Variants in HS3ST2 observed in about 807,000 individuals in gnomAD.
HS3ST2 encodes the protein heparan sulfate glucosamine 3-O-sulfotransferase 2.
A neutral mutation model predicts 26.3 loss-of-function variants in HS3ST2; 17 were observed. The observed-to-expected ratio is 0.65, with a 90% CI of 0.44 to 0.97. HS3ST2 has a LOEUF of 0.97. Ranked by LOEUF, HS3ST2 falls within the 50% of genes least tolerant of loss-of-function variation. HS3ST2 has a pLI of 0.00. For synonymous variants in HS3ST2, 237 were observed against 219.2 expected, an observed-to-expected ratio of 1.08 and a Z score of -0.72; for missense variants, 402 against 501.2, an observed-to-expected ratio of 0.80 and a Z score of 1.89.
At chr16:22,850,382 C>T (rs1901500989) in intron 1 of HS3ST2, among the ~76,000 whole-genome samples, 1 of 152,146 alleles carries the variant, frequency 6.6e-6, no homozygotes, top group South Asian at 2.1e-4. Context: ...GCCATTGCTC[C>T]AGTTATCTAT....
At chr16:22,901,802 C>G (rs1902284921) in intron 1 of HS3ST2, among the ~76,000 whole-genome samples, 1 of 152,188 alleles carries the variant, frequency 6.6e-6, no homozygotes, top group Non-Finnish European at 1.5e-5. Flanking sequence ...CTCAGCCACT[C>G]CAGACATGTT....
chr16:22,816,459 G>C (rs1275968149), intron 1 of HS3ST2, among the ~76,000 whole-genome samples: 1 of 152,206 alleles, frequency 6.6e-6, no homozygotes, highest in Non-Finnish European at 1.5e-5. Flanking sequence ...GGTTACTCCT[G>C]GCTCGCAATG....
chr16:22,909,798 T>C (rs1156676326), intron 1 of HS3ST2, among the ~76,000 whole-genome samples: 6 of 152,138 alleles, frequency 3.9e-5, no homozygotes, highest in Non-Finnish European at 7.4e-5. Context: ...CCTAGCACTT[T>C]GAGAAGCCAA....
chr16:22,825,821 G>A (rs366176), intron 1 of HS3ST2, among the ~76,000 whole-genome samples: 21,887 of 152,128 alleles, frequency 0.14, 1,703 homozygotes, highest in East Asian at 0.22. Flanking sequence ...TCAGGAGTTC[G>A]AGACCAGCCT....
intron 1 of HS3ST2, among the ~76,000 whole-genome samples, chr16:22,841,471 C>T (rs1280198245): frequency 6.6e-6 from 1 of 152,208 alleles, no homozygotes; most frequent in Non-Finnish European, 1.5e-5. Context: ...GGGAAATTGT[C>T]TCTTCTACTT....
At chr16:22,819,334 T>C (rs1473111215) in intron 1 of HS3ST2, among the ~76,000 whole-genome samples, 1 of 152,062 alleles carries the variant, frequency 6.6e-6, no homozygotes, top group East Asian at 1.9e-4. Flanking sequence ...TAAGACTATC[T>C]ACATGAAAAT....
intron 1 of HS3ST2, among the ~76,000 whole-genome samples, chr16:22,858,427 T>G (rs1177901224): frequency 6.6e-6 from 1 of 151,866 alleles, no homozygotes; most frequent in South Asian, 2.1e-4. Flanking sequence ...GAGTTGGGCT[T>G]TTTTCCAGAA....
intron 1 of HS3ST2, among the ~76,000 whole-genome samples, chr16:22,909,881 C>T (rs1296271711): frequency 1.3e-5 from 2 of 151,752 alleles, no homozygotes; most frequent in African/African-American, 4.8e-5. Context: ...CTACTAAATA[C>T]AAAAAATTAG....
intron 1 of HS3ST2, among the ~76,000 whole-genome samples, chr16:22,881,573 G>A (rs913398890): frequency 1.3e-5 from 2 of 152,198 alleles, no homozygotes; most frequent in Admixed American, 1.3e-4. Flanking sequence ...GAGCTTGCAG[G>A]AAGCTGACAG....
intron 1 of HS3ST2, among the ~76,000 whole-genome samples, chr16:22,892,168 T>C (rs1902139470): frequency 6.8e-6 from 1 of 147,998 alleles, no homozygotes; most frequent in Non-Finnish European, 1.5e-5. Flanking sequence ...CAGGTGCCTA[T>C]AGTCCCAGCT....
At chr16:22,832,587 G>A (rs1404481267) in intron 1 of HS3ST2, among the ~76,000 whole-genome samples, 2 of 151,942 alleles carry the variant, frequency 1.3e-5, no homozygotes, top group African/African-American at 4.8e-5. Context: ...CTGAGGCCAG[G>A]GTGGCCAGCA....
intron 1 of HS3ST2, among the ~76,000 whole-genome samples, chr16:22,882,371 A>G (rs548979767): frequency 3.3e-5 from 5 of 152,156 alleles, no homozygotes; most frequent in Non-Finnish European, 5.9e-5. Context: ...CAAAAAATTA[A>G]AAAATGATAT....
intron 1 of HS3ST2, among the ~76,000 whole-genome samples, chr16:22,871,444 G>T (rs556548452): frequency 6.6e-6 from 1 of 152,000 alleles, no homozygotes; most frequent in Non-Finnish European, 1.5e-5. Context: ...CATATTTAAG[G>T]TCAGCTTGGC....
chr16:22,854,360 A>T (rs1901560800), intron 1 of HS3ST2, among the ~76,000 whole-genome samples: 1 of 151,604 alleles, frequency 6.6e-6, no homozygotes, highest in Non-Finnish European at 1.5e-5. Flanking sequence ...TTTTTTATGA[A>T]TTTTTTTCTG....
intron 1 of HS3ST2, among the ~76,000 whole-genome samples, chr16:22,865,111 G>A (rs1447724731): frequency 1.4e-5 from 2 of 143,188 alleles, no homozygotes; most frequent in South Asian, 4.4e-4. Context: ...ATATTAGAAA[G>A]ATAAAATGCA....
intron 1 of HS3ST2, among the ~76,000 whole-genome samples, chr16:22,885,949 C>G (rs1596626096): frequency 6.6e-6 from 1 of 152,164 alleles, no homozygotes; most frequent in East Asian, 1.9e-4. Context: ...GTCAGGCCAT[C>G]AGAAATCAGC....
chr16:22,839,595 A>G lies in HS3ST2; in HGVS notation c.485+24500A>G, dbSNP rs781382345. On this transcript the variant is annotated intron_variant, in intron 1 of 1. Coordinates refer to ENST00000261374, the MANE Select transcript of HS3ST2 (RefSeq NM_006043.2). ...GCAGTAACTTCAGTCTTTTTCTTCA[A>G]TTCAAGTCAGGATATTGTATGCTTT... Among the ~76,000 whole-genome samples, 3 of 151,942 alleles carry G rather than the reference A, an allele frequency of 2.0e-5. No homozygotes were observed. In the East Asian group the frequency reaches 5.8e-4, roughly 29 times the overall value.
intron 1 of HS3ST2, among the ~76,000 whole-genome samples, chr16:22,841,792 T>C (rs1371569063): frequency 1.3e-5 from 2 of 152,238 alleles, no homozygotes; most frequent in African/African-American, 4.8e-5. Flanking sequence ...TAGTGGTTTT[T>C]TTCATAGGTG....
intron 1 of HS3ST2, among the ~76,000 whole-genome samples, chr16:22,899,629 G>T (rs1902257090): frequency 6.6e-6 from 1 of 152,180 alleles, no homozygotes; most frequent in South Asian, 2.1e-4. Flanking sequence ...GTAAAGGAAA[G>T]AGGTTTAATA....
Sources: allele counts gnomAD v4.1 joint callset (sites outside exome capture counted in the v4.1 genomes callset), GRCh38; gene constraint gnomAD v4.1.1; transcripts MANE v1.5; gene names NCBI Gene and HGNC (gene_info 2026-07-23, HGNC 2026-07-21).